Variants in SRGAP2 observed in about 807,000 individuals in gnomAD.
SRGAP2 encodes SLIT-ROBO Rho GTPase-activating protein 2.
Under a neutral mutation model 57.2 loss-of-function variants are expected in SRGAP2, and 15 were observed. That is an observed-to-expected ratio of 0.26 (90% CI 0.18 to 0.40). The LOEUF (loss-of-function observed/expected upper bound fraction) is 0.40, where lower values mean the gene tolerates loss of function less well. SRGAP2 is among the 10% of genes least tolerant of loss of function. SRGAP2 has a pLI of 1.00. For synonymous variants in SRGAP2, 249 were observed against 248.0 expected (o/e 1.00, Z -0.04); for missense variants, 520 against 669.6 (o/e 0.78, Z 2.47).
intron 2 of SRGAP2, among the ~76,000 whole-genome samples, chr1:206,277,659 G>C (rs1670489354): frequency 6.7e-6 from 1 of 149,376 alleles, no homozygotes; most frequent in Non-Finnish European, 1.5e-5. Flanking sequence ...TTGCATTTCA[G>C]TTGTTTATCT....
chr1:206,452,957 GAGA>G (rs74311856), intron 19 of SRGAP2, among the ~76,000 whole-genome samples: 3 of 150,714 alleles, frequency 2.0e-5, no homozygotes, highest in African/African-American at 4.9e-5. Context: ...GCAGATAAGA[GAGA>G]AGAAGATTCC....
chr1:206,372,927 C>CTT (rs1654694962), intron 4 of SRGAP2, among the ~76,000 whole-genome samples: 1 of 7,176 alleles, frequency 1.4e-4, no homozygotes, highest in African/African-American at 2.0e-3. Flanking sequence ...TTCTTTCTTT[C>CTT]TTTCTTTCTT....
chr1:206,267,264 G>C (rs185208493), intron 2 of SRGAP2, among the ~76,000 whole-genome samples: 3 of 152,176 alleles, frequency 2.0e-5, no homozygotes, highest in African/African-American at 7.2e-5. Flanking sequence ...CACCACGCCC[G>C]GCCACTTTCA....
At chr1:206,244,194 A>C (rs1218858715) in intron 2 of SRGAP2, among the ~76,000 whole-genome samples, 1 of 88,210 alleles carries the variant, frequency 1.1e-5, no homozygotes, top group Non-Finnish European at 2.1e-5. Flanking sequence ...TTCTTGACTT[A>C]GTATAGTATT....
chr1:206,409,850 G>A lies in SRGAP2; in HGVS notation c.1356+3276G>A, dbSNP rs550580218. 1.1e-4 allele frequency among the ~76,000 whole-genome samples: 17 copies of A among 151,428 alleles called. No individual in the cohort carries two copies. In the South Asian group the frequency reaches 1.7e-3, roughly 15 times the overall value. ...GTGGTGGCTCACGCCTGTAATCCCA[G>A]CACTTTGGGAGGCCGAGGCAGGCGG... On this transcript the variant is annotated intron_variant, in intron 10 of 22. Coordinates refer to ENST00000573034, the MANE Select transcript of SRGAP2 (RefSeq NM_015326.5).
At chr1:206,366,515 G>A (rs1167286854) in intron 4 of SRGAP2, among the ~76,000 whole-genome samples, 2 of 151,858 alleles carry the variant, frequency 1.3e-5, no homozygotes, top group Admixed American at 6.6e-5. Context: ...GGGTGGGGAC[G>A]ATCATGGGGA....
At chr1:206,435,222 A>G (rs1364008819) in intron 14 of SRGAP2, among the ~76,000 whole-genome samples, 5 of 152,190 alleles carry the variant, frequency 3.3e-5, no homozygotes, top group African/African-American at 4.8e-5. Flanking sequence ...GTCCCGGCCT[A>G]TGTGGTTTAC....
Position 206,303,532 on chromosome 1 carries a change from G to C in SRGAP2, c.260+59G>C, listed in dbSNP as rs1367034502. On this transcript the variant is annotated intron_variant, in intron 3 of 22. Coordinates refer to ENST00000573034, the MANE Select transcript of SRGAP2 (RefSeq NM_015326.5). Reference sequence around the variant, plus strand: ...TTGGAATATGGGGTCCAGGGTGGAGGGGGGCAGGGTATGCCACTTAGATCC... The same window carrying C: ...TTGGAATATGGGGTCCAGGGTGGAGCGGGGCAGGGTATGCCACTTAGATCC... 1.9e-5 allele frequency: 17 copies of C among 880,834 alleles called. 1 individual carries two copies. The highest frequency in any genetic ancestry group is 8.4e-5 in the East Asian group (3 of 35,856). 54.6% of individuals were successfully genotyped at this position (880,834 alleles called of 1,614,324 possible). A position where few individuals can be genotyped will look rare whatever the true frequency, so the allele number is the denominator to read the frequency against.
At chr1:206,359,997 G>A (rs1208128910) in intron 4 of SRGAP2, among the ~76,000 whole-genome samples, 3 of 150,804 alleles carry the variant, frequency 2.0e-5, no homozygotes, top group South Asian at 2.1e-4. Flanking sequence ...TAGTAGAGAC[G>A]GGGTTTCACC....
intron 7 of SRGAP2, among the ~76,000 whole-genome samples, chr1:206,395,660 A>G (rs1657511511): frequency 6.6e-6 from 1 of 150,926 alleles, no homozygotes; most frequent in Admixed American, 6.6e-5. Context: ...CTTTTTTTGT[A>G]CTCAAGGCAA....
At chr1:206,234,603 A>C (rs1667819864) in intron 2 of SRGAP2, among the ~76,000 whole-genome samples, 1 of 152,224 alleles carries the variant, frequency 6.6e-6, no homozygotes, top group African/African-American at 2.4e-5. Context: ...TGGGTACCTG[A>C]ATCCCCATGT....
At chr1:206,207,450 G>A (rs1312284530) in intron 2 of SRGAP2, 2 of 150,878 alleles carry the variant, frequency 1.3e-5, no homozygotes, top group Non-Finnish European at 3.0e-5. Flanking sequence ...AGCTTCAGTT[G>A]AACTGGGATT....
At chr1:206,430,095 G>A (rs370376172) in intron 13 of SRGAP2, 67 bp from the exon 14 acceptor site, 25 of 776,812 alleles carry the variant, frequency 3.2e-5, no homozygotes, top group East Asian at 1.2e-4. Context: ...GGTTTGGCCC[G>A]TTTTCTCTGA....
intron 2 of SRGAP2, among the ~76,000 whole-genome samples, chr1:206,286,603 C>T (rs2102703778): frequency 6.6e-6 from 1 of 151,752 alleles, no homozygotes; most frequent in African/African-American, 2.4e-5. Context: ...ATGATAAACA[C>T]CTAAATAGAT....
intron 3 of SRGAP2, among the ~76,000 whole-genome samples, chr1:206,322,588 A>AG (rs1375691757): frequency 1.5e-5 from 2 of 137,220 alleles, no homozygotes; most frequent in African/African-American, 6.0e-5. Flanking sequence ...TCAAAAAAAA[A>AG]AAAAAAAAAA....
At chr1:206,281,907 C>G (rs2102689820) in intron 2 of SRGAP2, among the ~76,000 whole-genome samples, 1 of 146,030 alleles carries the variant, frequency 6.8e-6, no homozygotes, top group East Asian at 1.9e-4. Flanking sequence ...GAGTGAGACT[C>G]CGTCACAAAA....
At chr1:206,337,135 G>A (rs1442013768) in intron 3 of SRGAP2, among the ~76,000 whole-genome samples, 1 of 149,554 alleles carries the variant, frequency 6.7e-6, no homozygotes, top group African/African-American at 2.6e-5. Context: ...AAGCATCTAG[G>A]GTTTTGGCAA....
At chr1:206,208,895 C>T (rs1305577673) in intron 2 of SRGAP2, among the ~76,000 whole-genome samples, 1 of 152,082 alleles carries the variant, frequency 6.6e-6, no homozygotes, top group Non-Finnish European at 1.5e-5. Context: ...TAGCCTTTCA[C>T]TTCAGGCAAG....
rs546034182 is a variant in SRGAP2 at position 206,366,358 on chromosome 1, G to A, written c.424-17656G>A. ...CATCTTGATTAAATTAGTGTCAAGG[G>A]GGGTGGAGAGAAAGGCACAGTGACA... On this transcript the variant is annotated intron_variant, in intron 4 of 22. Coordinates refer to ENST00000573034, the MANE Select transcript of SRGAP2 (RefSeq NM_015326.5). Among the ~76,000 whole-genome samples the A allele has an allele frequency of 2.6e-5, 4 of 152,220 alleles. No homozygotes were observed. The East Asian group carries it at 7.7e-4, about 29-fold the overall frequency.
Sources: allele counts gnomAD v4.1 joint callset (sites outside exome capture counted in the v4.1 genomes callset), GRCh38; gene constraint gnomAD v4.1.1; transcripts MANE v1.5; gene names NCBI Gene and HGNC (gene_info 2026-07-23, HGNC 2026-07-21).